The following VWF variants were observed in gnomAD, a reference collection of about 807,000 sequenced individuals.
The protein encoded by VWF is von Willebrand factor.
A neutral mutation model predicts 308.6 loss-of-function variants in VWF; 176 were observed. That is an observed-to-expected ratio of 0.57 (90% CI 0.50 to 0.65). The LOEUF is 0.65. VWF is among the 30% of genes least tolerant of loss of function. The pLI is 0.00. For synonymous variants in VWF, 1,385 were observed against 1,443.4 expected, an observed-to-expected ratio of 0.96 and a Z score of 0.92; for missense variants, 3,146 against 3,648.2, an observed-to-expected ratio of 0.86 and a Z score of 3.55.
intron 18 of VWF, among the ~76,000 whole-genome samples, chr12:6,039,280 G>A (rs1283227533): frequency 2.0e-5 from 3 of 152,214 alleles, no homozygotes; most frequent in African/African-American, 7.2e-5. Context: ...GGGTCAGGCT[G>A]AGAACGTGGT....
intron 28 of VWF, among the ~76,000 whole-genome samples, 197 bp downstream of exon 28, chr12:6,018,168 G>A (rs923027906): frequency 4.6e-5 from 7 of 151,494 alleles, no homozygotes; most frequent in African/African-American, 7.3e-5. Flanking sequence ...ATCTTCCCCC[G>A]AAAAAGGATC....
chr12:6,045,630 G>A (rs569339330), intron 17 of VWF, among the ~76,000 whole-genome samples: 32 of 152,302 alleles, frequency 2.1e-4, no homozygotes, highest in African/African-American at 5.8e-4. Context: ...GCTGAGAGAC[G>A]CTCTCCAGTC....
chr12:6,027,849 T>TACACACACACAC (rs138442170), intron 22 of VWF, among the ~76,000 whole-genome samples: 133 of 131,264 alleles, frequency 1.0e-3, no homozygotes, highest in African/African-American at 3.1e-3. Context: ...GGAAGACACA[T>TACACACACACAC]ACACACACAC....
At chr12:6,100,924 A>T (rs1485681709) in intron 5 of VWF, among the ~76,000 whole-genome samples, 1 of 152,214 alleles carries the variant, frequency 6.6e-6, no homozygotes, top group Non-Finnish European at 1.5e-5. Flanking sequence ...AGAAATAGCA[A>T]GAGTAGAGCT....
intron 34 of VWF, among the ~76,000 whole-genome samples, chr12:6,005,439 G>A (rs1024848010): frequency 2.6e-5 from 4 of 151,952 alleles, no homozygotes; most frequent in Non-Finnish European, 4.4e-5. Flanking sequence ...TTAAAATAAC[G>A]AATAAGATTA....
At chr12:6,084,736 C>A (rs1283183815) in intron 6 of VWF, among the ~76,000 whole-genome samples, 1 of 152,172 alleles carries the variant, frequency 6.6e-6, no homozygotes, top group Non-Finnish European at 1.5e-5. Context: ...CCTGATCTTT[C>A]TAGCTCTGGG....
intron 1 of VWF, among the ~76,000 whole-genome samples, chr12:6,123,876 G>A (rs1945458894): frequency 1.3e-5 from 2 of 152,180 alleles, no homozygotes; most frequent in African/African-American, 2.4e-5. Context: ...ATTCATCCTG[G>A]CTGGCAGAGC....
At chr12:5,993,605 GTGTA>G (rs1041066645) in intron 37 of VWF, among the ~76,000 whole-genome samples, 2 of 150,594 alleles carry the variant, frequency 1.3e-5, no homozygotes, top group African/African-American at 4.9e-5. Context: ...TACGTGCAGA[GTGTA>G]TGTGTGTATA....
chr12:6,052,208 G>A (rs909345000), intron 16 of VWF, among the ~76,000 whole-genome samples: 6 of 152,166 alleles, frequency 3.9e-5, no homozygotes, highest in Admixed American at 6.5e-5. Flanking sequence ...AAAGCAGGCT[G>A]GAAAGGAGGG....
intron 41 of VWF, 24 bp from the exon 42 acceptor site, chr12:5,982,015 T>G (rs777573671): frequency 6.2e-7 from 1 of 1,610,256 alleles, no homozygotes; most frequent in African/African-American, 1.3e-5. Context: ...AAGGCCACAC[T>G]GAGCACTGCG....
rs74337548 is a variant in VWF, at chr12:6,117,141, A to C, written c.220+4033T>G. Reference sequence around the variant, plus strand: ...GGTGAAAATGAAATCAATTTACATTAAAGTGTGTTTGATCCATAACCTTGT... The same window carrying C: ...GGTGAAAATGAAATCAATTTACATTCAAGTGTGTTTGATCCATAACCTTGT... On this transcript the variant is annotated intron_variant, in intron 3 of 51. Transcript: ENST00000261405. Among the ~76,000 whole-genome samples the C allele has an allele frequency of 2.9e-4, 44 of 152,350 alleles. No individual in the cohort carries two copies. In the East Asian group the frequency reaches 6.0e-3, roughly 21 times the overall value.
chr12:6,070,767 G>C (rs565245491), intron 10 of VWF, among the ~76,000 whole-genome samples: 1 of 152,308 alleles, frequency 6.6e-6, no homozygotes, highest in South Asian at 2.1e-4. Flanking sequence ...GGCAGAGATT[G>C]CTCAATAATT....
chr12:6,088,401 C>A (rs1238739154), intron 6 of VWF, among the ~76,000 whole-genome samples: 1 of 151,474 alleles, frequency 6.6e-6, no homozygotes, highest in African/African-American at 2.4e-5. Flanking sequence ...ATGGCGTGAA[C>A]CCGGGAGGCG....
intron 5 of VWF, among the ~76,000 whole-genome samples, chr12:6,100,443 G>A (rs1380411641): frequency 6.7e-5 from 10 of 150,296 alleles, no homozygotes; most frequent in Middle Eastern, 3.4e-3. Flanking sequence ...ACATGCACAC[G>A]TGTGTTTATT....
intron 5 of VWF, among the ~76,000 whole-genome samples, chr12:6,099,737 T>C (rs1027188135): frequency 6.6e-6 from 1 of 151,668 alleles, no homozygotes. Flanking sequence ...ATACAAAAAT[T>C]AATTCAAGAT....
chr12:5,973,889 C>T (rs1943505088), intron 43 of VWF, among the ~76,000 whole-genome samples: 1 of 152,168 alleles, frequency 6.6e-6, no homozygotes, highest in Non-Finnish European at 1.5e-5. Flanking sequence ...GAGGTGCAGG[C>T]CTCCTCTCAC....
At chr12:6,014,004 G>A (rs2136406140) in intron 31 of VWF, among the ~76,000 whole-genome samples, 1 of 152,230 alleles carries the variant, frequency 6.6e-6, no homozygotes, top group East Asian at 1.9e-4. Context: ...GAATGCCCAG[G>A]GCTGAGGTGT....
intron 51 of VWF, 144 bp from the exon 52 acceptor site, chr12:5,949,347 G>A: frequency 2.5e-6 from 2 of 788,528 alleles, no homozygotes; most frequent in Non-Finnish European, 4.3e-6. Context: ...GGACAGCTAG[G>A]CAATTTGTAA....
At chr12:6,103,926 T>C (rs542581012) in intron 5 of VWF, among the ~76,000 whole-genome samples, 1 of 152,122 alleles carries the variant, frequency 6.6e-6, no homozygotes, top group Non-Finnish European at 1.5e-5. Context: ...TGAGACTTCA[T>C]TAAACTAAAA....
Sources: allele counts gnomAD v4.1 joint callset (sites outside exome capture counted in the v4.1 genomes callset), GRCh38; gene constraint gnomAD v4.1.1; transcripts MANE v1.5; gene names NCBI Gene and HGNC (gene_info 2026-07-23, HGNC 2026-07-21).